NUP43: variants seen among roughly 807,000 people sequenced by gnomAD.
NUP43 encodes nucleoporin 43, also known as nucleoporin Nup43.
In NUP43, 32 loss-of-function variants were observed where a neutral mutation model predicts 47.3. That is an observed-to-expected ratio of 0.68 (90% CI 0.51 to 0.91). The LOEUF (loss-of-function observed/expected upper bound fraction) is 0.91. Ranked by LOEUF, NUP43 falls within the 40% of genes least tolerant of loss-of-function variation. The pLI, the probability that NUP43 is intolerant of heterozygous loss-of-function variation, is 0.00. For missense variants in NUP43, 444 were observed against 453.9 expected (o/e 0.98, Z 0.20); for synonymous variants, 147 against 158.4 (o/e 0.93, Z 0.54).
chr6:149,745,569 C>T (rs1374295139), intron 2 of NUP43, among the ~76,000 whole-genome samples: 2 of 152,080 alleles, frequency 1.3e-5, no homozygotes, highest in East Asian at 3.9e-4. Context: ...GATGTTATCC[C>T]CCTGCACAGT....
At position 149,725,276 on chromosome 6, in the gene NUP43, T is replaced by G. The variant is rs982488742; in HGVS notation, c.*1693A>C. ...AGTTCGAGACCAGCCCTGGCCAACA[T>G]GGTGAAACCCTGTCGTCTCTACTAA... is the stretch of plus-strand genomic sequence containing the variant. On this transcript the variant is annotated 3_prime_UTR_variant, in exon 8 of 8. Coordinates refer to ENST00000340413, the MANE Select transcript of NUP43 (RefSeq NM_198887.3). 3.9e-5 allele frequency: 6 copies of G among 152,034 alleles called. No individual in the cohort carries two copies. The highest frequency in any genetic ancestry group is 1.3e-4 in the Admixed American group (2 of 15,248). The allele number at this position is 152,034 out of a possible 1,614,324, so 9.4% of individuals were successfully genotyped here.
rs369977092 is a variant in NUP43 at position 149,731,708 on chromosome 6, T to C, written c.818A>G (p.Asn273Ser). The part of the protein sequence containing the change: ...EMWEVHFHPS[N>S]PEHLFTCSED... Reference sequence around the variant, plus strand: ...AGAGCAGGTAAAAAGATGTTCTGGGTTGGATGGGTGAAAGTGAACTTCCCA... The same window carrying C: ...AGAGCAGGTAAAAAGATGTTCTGGGCTGGATGGGTGAAAGTGAACTTCCCA... Residue 273 changes from asparagine to serine, a missense_variant, in exon 7 of 8, where the codon AAC becomes AGC. Transcript: ENST00000340413. The C allele has an allele frequency of 1.4e-5, 23 of 1,613,636 alleles. No individual in the cohort carries two copies. Among genetic ancestry groups the C allele is most frequent in the Non-Finnish European group, 1.8e-5 (21 of 1,179,772 alleles).
chr6:149,728,191 AAT>A lies in NUP43; in HGVS notation c.914-995_914-994del, dbSNP rs1447440766. ...CTATCCATGCCTCTGTCCATGACTA[AAT>A]ATGTCTTAAGAGCAGGATGCATATT... On this transcript the variant is annotated intron_variant, in intron 7 of 7. Transcript: ENST00000340413. The A allele has an allele frequency of 5.1e-6, 5 of 984,794 alleles. No homozygotes were observed. In the African/African-American group the frequency reaches 8.7e-5, roughly 17 times the overall value. 61.0% of individuals were successfully genotyped at this position (984,794 alleles called of 1,614,324 possible). A position where few individuals can be genotyped will look rare whatever the true frequency, so the allele number is the denominator to read the frequency against.
At chr6:149,731,764 C>G (rs1422746406) in intron 6 of NUP43, 29 bp from the exon 7 acceptor site, 2 of 1,609,102 alleles carry the variant, frequency 1.2e-6, no homozygotes, top group South Asian at 1.1e-5. Flanking sequence ...TAAGCTCATT[C>G]CTGTGCAGAT....
chr6:149,736,632 G>C lies in NUP43; in HGVS notation c.639-10C>G. The C allele has an allele frequency of 1.3e-6, 2 of 1,568,400 alleles. No homozygotes were observed. Among genetic ancestry groups the C allele is most frequent in the East Asian group, 2.3e-5 (1 of 43,864 alleles). On this transcript the variant is annotated splice_polypyrimidine_tract_variant and intron_variant, in intron 5 of 7. Coordinates refer to ENST00000340413, the MANE Select transcript of NUP43 (RefSeq NM_198887.3). ...CACTCGGTCACCAGTCCTTTTGTGG[G>C]AGATAACAATGACGTCAAAATCAAA...
intron 2 of NUP43, 52 bp downstream of exon 2, chr6:149,745,888 A>C: frequency 6.6e-7 from 1 of 1,512,800 alleles, no homozygotes; most frequent in Non-Finnish European, 8.9e-7. Context: ...GCTTGTTTAA[A>C]TGTATTACTC....
At chr6:149,745,070 T>C (rs947295204) in intron 2 of NUP43, among the ~76,000 whole-genome samples, 1 of 151,072 alleles carries the variant, frequency 6.6e-6, no homozygotes, top group Non-Finnish European at 1.5e-5. Context: ...GGTAGCTTTC[T>C]ATGGAAAATG....
intron 5 of NUP43, 81 bp downstream of exon 5, chr6:149,738,562 A>G: frequency 9.4e-7 from 1 of 1,065,840 alleles, no homozygotes; most frequent in East Asian, 2.8e-5. Context: ...AAAATTCAAT[A>G]TGGCTTAAAG....
chr6:149,743,492 G>C (rs755153487), intron 3 of NUP43, 146 bp downstream of exon 3: 3 of 540,022 alleles, frequency 5.6e-6, no homozygotes, highest in Non-Finnish European at 9.9e-6. Context: ...CTACTTGGGA[G>C]GCTGAGGCAG....
At position 149,746,527 on chromosome 6, in the gene NUP43, A is replaced by G. The variant is rs765947940; in HGVS notation, c.-32T>C. On this transcript the variant is annotated 5_prime_UTR_variant, in exon 1 of 8. Transcript: ENST00000340413. Reference sequence around the variant, plus strand: ...AGCGGCCGCAGCAGGTACTGCAAAAAGCAAGCACAGTACGCGCCTCTCAGC... The same window carrying G: ...AGCGGCCGCAGCAGGTACTGCAAAAGGCAAGCACAGTACGCGCCTCTCAGC... 1.5e-5 allele frequency: 25 copies of G among 1,613,996 alleles called. No individual in the cohort carries two copies. The highest frequency in any genetic ancestry group is 3.3e-4 in the Middle Eastern group (2 of 6,084).
intron 6 of NUP43, among the ~76,000 whole-genome samples, chr6:149,733,358 A>G (rs188724201): frequency 2.0e-5 from 3 of 152,300 alleles, no homozygotes; most frequent in African/African-American, 7.2e-5. Flanking sequence ...TTTATCAAGA[A>G]AAACTATTTC....
At chr6:149,731,562 T>TAAAAA in intron 7 of NUP43, 51 bp downstream of exon 7, 7 of 1,293,326 alleles carry the variant, frequency 5.4e-6, no homozygotes, top group Admixed American at 5.3e-5. Flanking sequence ...GACTCTGTCT[T>TAAAAA]AAAAAAAAAA....
At chr6:149,735,144 C>T (rs1190373529) in intron 6 of NUP43, among the ~76,000 whole-genome samples, 2 of 151,994 alleles carry the variant, frequency 1.3e-5, no homozygotes. Context: ...TGCACTACAG[C>T]CTTGAATTCC....
Position 149,743,690 on chromosome 6 carries a change from G to C in NUP43, c.269C>G (p.Ala90Gly). The part of the protein sequence containing the change: ...LQFFDQERIV[A>G]ASSTGCVTVF... Reference sequence around the variant, plus strand: ...TGTTACACATCCTGTTGATGAAGCAGCGACAATTCTTTCCTGGTCAAAAAA... The same window carrying C: ...TGTTACACATCCTGTTGATGAAGCACCGACAATTCTTTCCTGGTCAAAAAA... Residue 90 changes from alanine (A) to glycine (G), a missense_variant, in exon 3 of 8, where the codon GCT becomes GGT. Transcript: ENST00000340413. 1.2e-6 allele frequency: 2 copies of C among 1,610,912 alleles called. No individual in the cohort carries two copies. Among genetic ancestry groups the C allele is most frequent in the Non-Finnish European group, 1.7e-6 (2 of 1,177,914 alleles).
At chr6:149,731,528 A>G in intron 7 of NUP43, 85 bp downstream of exon 7, 1 of 1,279,086 alleles carries the variant, frequency 7.8e-7, no homozygotes, top group East Asian at 2.6e-5. Flanking sequence ...GTGCCACTGC[A>G]TTCCAGCCTG....
In NUP43 at chr6:149,724,902, A is replaced by C. The variant is rs1302850785; in HGVS notation, c.*2067T>G. Reference sequence around the variant, plus strand: ...CCATGCCTGGCCACCATATGTTTTTAAGTATAGGTTGGATGATAATTTGTT... The same window carrying C: ...CCATGCCTGGCCACCATATGTTTTTCAGTATAGGTTGGATGATAATTTGTT... On this transcript the variant is annotated 3_prime_UTR_variant, in exon 8 of 8. Coordinates refer to ENST00000340413, the MANE Select transcript of NUP43 (RefSeq NM_198887.3). 1 of 151,920 alleles carries C rather than the reference A, an allele frequency of 6.6e-6. No individual in the cohort carries two copies. Among genetic ancestry groups the C allele is most frequent in the Non-Finnish European group, 1.5e-5 (1 of 67,986 alleles). The allele number at this position is 151,920 out of a possible 1,614,324, so 9.4% of individuals were successfully genotyped here.
upstream of NUP43, among the ~76,000 whole-genome samples, chr6:149,746,917 C>T (rs1461726298): frequency 1.3e-5 from 2 of 152,198 alleles, no homozygotes; most frequent in African/African-American, 2.4e-5. Context: ...GGAAGTACCT[C>T]GAATAAAGTG....
intron 2 of NUP43, among the ~76,000 whole-genome samples, chr6:149,745,492 T>C (rs1785936477): frequency 6.6e-6 from 1 of 151,960 alleles, no homozygotes; most frequent in Non-Finnish European, 1.5e-5. Context: ...TAAATCGTGG[T>C]AAATCTTTAA....
At chr6:149,747,444 T>A (rs534994846), upstream of NUP43, among the ~76,000 whole-genome samples, 110 of 150,744 alleles carry the variant, frequency 7.3e-4, no homozygotes, top group African/African-American at 2.7e-3. Context: ...CCACCATGCC[T>A]GGCTAATTTT....
Sources: gnomAD v4.1 joint callset for allele counts (sites outside exome capture counted in the v4.1 genomes callset) on GRCh38, gnomAD v4.1.1 for gene constraint, MANE v1.5 for transcripts, NCBI Gene and HGNC (gene_info 2026-07-23, HGNC 2026-07-21) for gene names.